POLK: variants seen among roughly 807,000 people sequenced by gnomAD.
The protein encoded by POLK is DNA polymerase kappa.
A neutral mutation model predicts 94.0 loss-of-function variants in POLK; 76 were observed. The ratio of observed to expected loss-of-function variants is 0.81; its 90% CI spans 0.67 to 0.98. POLK has a LOEUF of 0.98. Ranked by LOEUF, POLK falls within the 50% of genes least tolerant of loss-of-function variation. The pLI, the probability that POLK is intolerant of heterozygous loss-of-function variation, is 0.00. For synonymous variants in POLK, 349 were observed against 325.4 expected (o/e 1.07, Z -0.78); for missense variants, 954 against 1,010.1 (o/e 0.94, Z 0.75).
At chr5:75,515,894 T>C (rs544978114) in intron 1 of POLK, among the ~76,000 whole-genome samples, 89 of 152,318 alleles carry the variant, frequency 5.8e-4, no homozygotes, top group African/African-American at 2.1e-3. Context: ...TCGTCTCTAG[T>C]ATAATAAAAA....
downstream of POLK, among the ~76,000 whole-genome samples, chr5:75,604,479 A>C (rs1773372620): frequency 6.6e-6 from 1 of 152,162 alleles, no homozygotes; most frequent in Non-Finnish European, 1.5e-5. Context: ...TGGGATCAAG[A>C]TCCTCTCATC....
At chr5:75,571,899 A>G (rs1319783457) in intron 4 of POLK, among the ~76,000 whole-genome samples, 1 of 152,180 alleles carries the variant, frequency 6.6e-6, no homozygotes, top group African/African-American at 2.4e-5. Flanking sequence ...TTTTATGTCA[A>G]TTATATTAAA....
chr5:75,549,128 C>T (rs1185460188), intron 2 of POLK, among the ~76,000 whole-genome samples: 3 of 151,966 alleles, frequency 2.0e-5, no homozygotes, highest in Non-Finnish European at 2.9e-5. Flanking sequence ...GTTTTTCCTG[C>T]GTTTTCCTGA....
intron 11 of POLK, among the ~76,000 whole-genome samples, chr5:75,592,668 C>G (rs1056835904): frequency 4.0e-5 from 6 of 151,566 alleles, no homozygotes; most frequent in Non-Finnish European, 7.4e-5. Flanking sequence ...GCACTCCAGC[C>G]TGGGCATCAG....
Position 75,526,574 on chromosome 5 carries a change from GT to G in POLK, c.-14+14673del, listed in dbSNP as rs1257109023. ...TTCTGATTTAATGGGTTTTTTTTTT[GT>G]TTTTTTTTTTTTCTTTTTTTTTTGG... is the stretch of plus-strand genomic sequence containing the variant. On this transcript the variant is annotated intron_variant, in intron 1 of 14. Coordinates refer to ENST00000241436, the Ensembl canonical transcript of POLK. 2.8e-3 allele frequency among the ~76,000 whole-genome samples: 356 copies of G among 127,646 alleles called. 1 individual carries two copies. The East Asian group carries it at 0.031, about 11-fold the overall frequency. 83.7% of individuals were successfully genotyped at this position (127,646 alleles called of 152,430 possible).
exon 2 of POLK, chr5:75,547,061 T>C (rs2112634797): frequency 6.5e-7 from 1 of 1,535,674 alleles, no homozygotes; most frequent in Non-Finnish European, 8.9e-7. Context: ...GTTACAAAGA[T>C]GATCTTCTGC....
At position 75,597,772 on chromosome 5, in the gene POLK, T is replaced by A. The variant is rs764419171; in HGVS notation, c.2511T>A (p.Ala837=). ...GTAGCTCAAGTGGAGTACAGAAGGC[T>A]GTAACAAGAACAAAAAGGTATGGCT... Residue 837 remains alanine, a synonymous_variant, in exon 14 of 15, where the codon GCT becomes GCA. Transcript: ENST00000241436. 11 of 1,528,282 alleles carry A rather than the reference T, an allele frequency of 7.2e-6. No individual in the cohort carries two copies. The Admixed American group carries it at 2.2e-4, about 30-fold the overall frequency. 94.7% of individuals were successfully genotyped at this position (1,528,282 alleles called of 1,614,324 possible).
chr5:75,594,384 C>T (rs924132723), intron 12 of POLK, among the ~76,000 whole-genome samples: 8 of 152,178 alleles, frequency 5.3e-5, no homozygotes, highest in Non-Finnish European at 1.0e-4. Flanking sequence ...GAAGTTCTTC[C>T]TTTGCTGCTG....
intron 1 of POLK, among the ~76,000 whole-genome samples, chr5:75,526,405 A>G (rs1768844195): frequency 2.0e-5 from 3 of 152,016 alleles, no homozygotes; most frequent in Non-Finnish European, 4.4e-5. Context: ...CACCTAATTA[A>G]TAAGATTTTT....
At chr5:75,538,645 A>C (rs1229904053) in intron 1 of POLK, 1 of 152,226 alleles carries the variant, frequency 6.6e-6, no homozygotes, top group African/African-American at 2.4e-5. Flanking sequence ...AAATTCTGAA[A>C]AACTGTAACA....
At chr5:75,511,319 C>A, upstream of POLK, 1 of 1,549,076 alleles carries the variant, frequency 6.5e-7, no homozygotes, top group Non-Finnish European at 8.7e-7. Flanking sequence ...AGAGTGCCCG[C>A]TCCGGTGTGG....
chr5:75,517,201 A>G (rs1768364214), intron 1 of POLK, among the ~76,000 whole-genome samples: 1 of 152,174 alleles, frequency 6.6e-6, no homozygotes. Context: ...GTATTTTGAT[A>G]GAGATTGCAT....
chr5:75,544,799 T>G lies in POLK; in HGVS notation c.-13-2211T>G, dbSNP rs5744576. Among the ~76,000 whole-genome samples, 724 of 152,334 alleles carry G rather than the reference T, an allele frequency of 4.8e-3. 2 individuals carry two copies. Among genetic ancestry groups the G allele is most frequent in the Middle Eastern group, 0.014 (4 of 294 alleles). ...AAATTATGACTGAATTACATTCACC[T>G]GCTTTACTAGACAATGACAGGTAAT... On this transcript the variant is annotated intron_variant, in intron 1 of 14. Coordinates refer to ENST00000241436, the Ensembl canonical transcript of POLK.
rs749058868 is a variant in POLK at position 75,552,545 on chromosome 5, A to G, written c.209A>G (p.Gln70Arg). 8 of 1,612,640 alleles carry G rather than the reference A, an allele frequency of 5.0e-6. No homozygotes were observed. Among genetic ancestry groups the G allele is most frequent in the Non-Finnish European group, 4.2e-6 (5 of 1,179,296 alleles). ...CAACGAATTGAAAATATGATGCAAC[A>G]AAAAGCTCAAATCACCAGCCAACAG... Residue 70 changes from glutamine (Q) to arginine (R), a missense_variant, in exon 3 of 15, where the codon CAA becomes CGA. Transcript: ENST00000241436.
chr5:75,584,390 A>G (rs1481664457), intron 8 of POLK, among the ~76,000 whole-genome samples: 3 of 152,184 alleles, frequency 2.0e-5, no homozygotes, highest in Non-Finnish European at 4.4e-5. Context: ...CATTATTCAT[A>G]CCTTTTATCG....
upstream of POLK, chr5:75,511,442 AGCCGCC>A: frequency 6.5e-7 from 1 of 1,535,646 alleles, no homozygotes; most frequent in Non-Finnish European, 8.8e-7. Flanking sequence ...TCCAGCCGTC[AGCCGCC>A]GCCGCCGTCG....
chr5:75,546,873 C>G (rs974112085), intron 1 of POLK, 137 bp from the exon 2 acceptor site: 3 of 400,486 alleles, frequency 7.5e-6, no homozygotes, highest in Admixed American at 4.0e-5. Flanking sequence ...CACCATGTTG[C>G]CCAGGCTGGT....
At chr5:75,527,186 A>G (rs1768902135) in intron 1 of POLK, among the ~76,000 whole-genome samples, 3 of 152,118 alleles carry the variant, frequency 2.0e-5, no homozygotes, top group Admixed American at 2.0e-4. Flanking sequence ...TTATATAATC[A>G]AACTTTTTTT....
intron 2 of POLK, among the ~76,000 whole-genome samples, chr5:75,552,268 A>G (rs1288704501): frequency 2.6e-5 from 4 of 152,196 alleles, no homozygotes; most frequent in Non-Finnish European, 4.4e-5. Context: ...TTAGTTAACT[A>G]CTAATAAATT....
Sources: allele counts gnomAD v4.1 joint callset (sites outside exome capture counted in the v4.1 genomes callset), GRCh38; gene constraint gnomAD v4.1.1; transcripts MANE v1.5; gene names NCBI Gene and HGNC (gene_info 2026-07-23, HGNC 2026-07-21).